The following ZDHHC15 variants were observed in gnomAD, a reference collection of about 807,000 sequenced individuals.
ZDHHC15 encodes palmitoyltransferase ZDHHC15.
In ZDHHC15, 19 loss-of-function variants were observed where a neutral mutation model predicts 31.7. That is an observed-to-expected ratio of 0.60 (90% confidence interval 0.42 to 0.88). ZDHHC15 has a LOEUF of 0.88. Ranked by LOEUF, ZDHHC15 falls within the 40% of genes least tolerant of loss-of-function variation. ZDHHC15 has a pLI of 0.00. For missense variants in ZDHHC15, 209 were observed against 251.2 expected (o/e 0.83, Z 1.14); for synonymous variants, 103 against 90.0 (o/e 1.14, Z -0.82).
intron 10 of ZDHHC15, among the ~76,000 whole-genome samples, chrX:75,405,702 T>C (rs1446940568): frequency 9.0e-6 from 1 of 111,282 alleles, no homozygotes; most frequent in African/African-American, 3.3e-5. Flanking sequence ...AGAGATAGAC[T>C]GCAATAAAAT....
At chrX:75,394,755 C>T (rs952534460) in intron 10 of ZDHHC15, among the ~76,000 whole-genome samples, 4 of 111,645 alleles carry the variant, frequency 3.6e-5, no homozygotes, top group Non-Finnish European at 7.5e-5. Flanking sequence ...CAGAGAAAGA[C>T]TCCAAAACAA....
rs192529997 is a variant in ZDHHC15, at chrX:75,417,103, G to A, written c.951C>T (p.Asn317=). The stretch of plus-strand genomic sequence containing the variant: ...CCCACTTACCTTGGTTGTCATCCTC[G>A]TTGTCTTCCCAGGTTTCTTCATTTG... ...LLANEETWED[N]EDDNQDYPEG... is the part of the protein sequence containing the mutation. Residue 317 remains asparagine (N), a synonymous_variant, in exon 10 of 12, where the codon AAC becomes AAT. Coordinates refer to ENST00000373367, the MANE Select transcript of ZDHHC15 (RefSeq NM_144969.3). 3.0e-5 allele frequency: 36 copies of A among 1,205,645 alleles called. No homozygotes were observed. In the Admixed American group the frequency reaches 3.7e-4, roughly 12 times the overall value.
chrX:75,457,980 C>T (rs894021712), intron 3 of ZDHHC15, among the ~76,000 whole-genome samples: 5 of 111,018 alleles, frequency 4.5e-5, no homozygotes, highest in African/African-American at 1.6e-4. Context: ...AATCAATCCC[C>T]TGTGGGTACT....
chrX:75,401,163 T>C (rs867988490), intron 10 of ZDHHC15, among the ~76,000 whole-genome samples: 2 of 103,553 alleles, frequency 1.9e-5, no homozygotes, highest in Non-Finnish European at 4.0e-5. Context: ...TGTGTTTTTT[T>C]ACAAATTGGA....
At chrX:75,464,961 C>A (rs1210260208) in intron 3 of ZDHHC15, among the ~76,000 whole-genome samples, 3 of 111,756 alleles carry the variant, frequency 2.7e-5, no homozygotes, top group African/African-American at 9.8e-5. Context: ...CCAGGGCAAT[C>A]AGCCAAGAGA....
chrX:75,377,012 T>C (rs2083067016), intron 11 of ZDHHC15, among the ~76,000 whole-genome samples: 1 of 111,539 alleles, frequency 9.0e-6, no homozygotes, highest in South Asian at 3.7e-4. Context: ...ATATTAAATA[T>C]CTAATTACTT....
chrX:75,485,272 T>C (rs1199193299), intron 2 of ZDHHC15, among the ~76,000 whole-genome samples: 1 of 111,515 alleles, frequency 9.0e-6, no homozygotes, highest in Non-Finnish European at 1.9e-5. Context: ...TGGTGTCTTT[T>C]CATCTTAGAT....
intron 3 of ZDHHC15, among the ~76,000 whole-genome samples, chrX:75,469,403 T>C (rs5981873): frequency 0.014 from 1,543 of 111,772 alleles, 19 homozygotes; most frequent in African/African-American, 0.047. Flanking sequence ...CATTTCCCTC[T>C]CCTCCCAGTC....
At chrX:75,433,869 T>C (rs988020197) in intron 4 of ZDHHC15, among the ~76,000 whole-genome samples, 4 of 111,036 alleles carry the variant, frequency 3.6e-5, no homozygotes, top group African/African-American at 1.3e-4. Flanking sequence ...AGGAGTGGGA[T>C]TGTTGGATCA....
At chrX:75,485,833 C>A (rs774627160) in intron 2 of ZDHHC15, among the ~76,000 whole-genome samples, 1 of 112,497 alleles carries the variant, frequency 8.9e-6, no homozygotes, top group African/African-American at 3.2e-5. Flanking sequence ...TTCTGTATTA[C>A]TTGCATTTTA....
In ZDHHC15 at chrX:75,371,151, G is replaced by T. The variant is rs2083002874; in HGVS notation, c.*1827C>A. On this transcript the variant is annotated 3_prime_UTR_variant, in exon 12 of 12. Transcript: ENST00000373367. ...AAAGGCCATACATGTAGAAAAAGGT[G>T]CATATCTATATGAATAGAAGACAAG... 8.9e-6 allele frequency: 1 copy of T among 111,831 alleles called. No homozygotes were observed. The highest frequency in any genetic ancestry group is 3.3e-5 in the African/African-American group (1 of 30,727). The allele number at this position is 111,831 out of a possible 1,213,427, so 9.2% of individuals were successfully genotyped here.
intron 3 of ZDHHC15, among the ~76,000 whole-genome samples, chrX:75,463,086 C>T (rs1209679068): frequency 9.0e-6 from 1 of 111,434 alleles, no homozygotes; most frequent in Admixed American, 9.5e-5. Flanking sequence ...GGGGATATCA[C>T]CACTGATCCC....
At chrX:75,396,992 A>G (rs1030327564) in intron 10 of ZDHHC15, among the ~76,000 whole-genome samples, 12 of 110,826 alleles carry the variant, frequency 1.1e-4, no homozygotes, top group Non-Finnish European at 1.9e-4. Context: ...AGAGGCTGGG[A>G]ATGGTGTTTG....
intron 1 of ZDHHC15, among the ~76,000 whole-genome samples, chrX:75,510,175 T>A (rs2085238866): frequency 1.8e-5 from 2 of 111,916 alleles, no homozygotes; most frequent in South Asian, 7.3e-4. Context: ...AATACTTACT[T>A]AGGAAGCATA....
At chrX:75,379,240 C>T (rs1241674413) in intron 10 of ZDHHC15, 42 bp from the exon 11 acceptor site, 1 of 1,191,469 alleles carries the variant, frequency 8.4e-7, no homozygotes, top group Non-Finnish European at 1.1e-6. Flanking sequence ...GTCCCCGTGC[C>T]TTATATGGGT....
At chrX:75,409,132 A>C (rs190075354) in intron 10 of ZDHHC15, among the ~76,000 whole-genome samples, 1 of 111,563 alleles carries the variant, frequency 9.0e-6, no homozygotes, top group East Asian at 2.8e-4. Context: ...AAAGACCCCA[A>C]ATAGCCAAAG....
intron 3 of ZDHHC15, among the ~76,000 whole-genome samples, chrX:75,467,350 T>G (rs1035587184): frequency 8.9e-6 from 1 of 112,164 alleles, no homozygotes; most frequent in African/African-American, 3.2e-5. Flanking sequence ...TTGTATGTGA[T>G]AAATATCTCA....
At chrX:75,406,315 C>T (rs1445364464) in intron 10 of ZDHHC15, among the ~76,000 whole-genome samples, 2 of 110,265 alleles carry the variant, frequency 1.8e-5, no homozygotes, top group Admixed American at 1.9e-4. Context: ...GAACCAAACA[C>T]CAAATTAGTA....
intron 3 of ZDHHC15, among the ~76,000 whole-genome samples, chrX:75,456,464 G>T (rs2084224072): frequency 9.1e-6 from 1 of 110,412 alleles, no homozygotes; most frequent in African/African-American, 3.3e-5. Flanking sequence ...TAACAAACCT[G>T]CACGTTGTGA....
Sources: allele counts gnomAD v4.1 joint callset (sites outside exome capture counted in the v4.1 genomes callset), GRCh38; gene constraint gnomAD v4.1.1; transcripts MANE v1.5; gene names NCBI Gene and HGNC (gene_info 2026-07-23, HGNC 2026-07-21).